Variants in DOCK1 observed in about 807,000 individuals in gnomAD.
DOCK1 encodes the protein dedicator of cytokinesis protein 1.
A neutral mutation model predicts 262.7 loss-of-function variants in DOCK1; 138 were observed. That is an observed-to-expected ratio of 0.53 (90% CI 0.46 to 0.61). DOCK1 has a LOEUF of 0.61. DOCK1 is among the 20% of genes least tolerant of loss of function. The pLI is 0.00. For synonymous variants in DOCK1, 866 were observed against 867.4 expected (o/e 1.00, Z 0.03); for missense variants, 1,908 against 2,370.7 (o/e 0.80, Z 4.05).
At chr10:127,316,137 A>G (rs2062268458) in intron 29 of DOCK1, among the ~76,000 whole-genome samples, 1 of 152,218 alleles carries the variant, frequency 6.6e-6, no homozygotes, top group Non-Finnish European at 1.5e-5. Flanking sequence ...CATCTCACAT[A>G]GTTACCTTTC....
chr10:127,006,378 C>T (rs912214194), intron 10 of DOCK1, among the ~76,000 whole-genome samples: 3 of 152,240 alleles, frequency 2.0e-5, no homozygotes, highest in Non-Finnish European at 2.9e-5. Flanking sequence ...CGTCTGTCTA[C>T]CCGGCCTCTC....
At chr10:127,309,360 T>C (rs1240024360) in intron 29 of DOCK1, among the ~76,000 whole-genome samples, 1 of 152,226 alleles carries the variant, frequency 6.6e-6, no homozygotes, top group Non-Finnish European at 1.5e-5. Flanking sequence ...ATGGGTAGAT[T>C]GCAAAAATTT....
intron 29 of DOCK1, among the ~76,000 whole-genome samples, chr10:127,287,303 A>G (rs2061191916): frequency 6.6e-6 from 1 of 151,826 alleles, no homozygotes; most frequent in Non-Finnish European, 1.5e-5. Flanking sequence ...CTTGGGCTCA[A>G]GCAATCCTCC....
chr10:127,054,457 T>C (rs923551897), intron 22 of DOCK1, among the ~76,000 whole-genome samples: 21 of 152,214 alleles, frequency 1.4e-4, no homozygotes, highest in Admixed American at 3.3e-4. Context: ...ATTTTGCTTA[T>C]TATGGATATG....
intron 31 of DOCK1, among the ~76,000 whole-genome samples, chr10:127,352,413 C>T (rs1332848669): frequency 6.6e-6 from 1 of 152,014 alleles, no homozygotes; most frequent in Non-Finnish European, 1.5e-5. Flanking sequence ...GCAAGTCACT[C>T]CTGAATTACC....
chr10:127,006,674 T>C (rs546939735), intron 10 of DOCK1, among the ~76,000 whole-genome samples: 33 of 152,014 alleles, frequency 2.2e-4, no homozygotes, highest in African/African-American at 7.7e-4. Context: ...GGACTCGGGG[T>C]GTTTTCCACC....
intron 27 of DOCK1, among the ~76,000 whole-genome samples, chr10:127,220,346 G>A (rs2058379625): frequency 6.6e-6 from 1 of 152,052 alleles, no homozygotes; most frequent in Non-Finnish European, 1.5e-5. Context: ...AGAACCAGGA[G>A]GCCCAGGGAC....
intron 33 of DOCK1, among the ~76,000 whole-genome samples, chr10:127,363,743 A>G (rs549523260): frequency 5.3e-5 from 8 of 152,292 alleles, no homozygotes; most frequent in African/African-American, 1.9e-4. Flanking sequence ...TGAAGGCGGT[A>G]TCCACGAAGA....
chr10:127,148,580 T>C (rs1423125098), intron 27 of DOCK1, among the ~76,000 whole-genome samples: 26 of 152,154 alleles, frequency 1.7e-4, no homozygotes, highest in Non-Finnish European at 3.8e-4. Context: ...GCCGATGATG[T>C]TTCATTGTTC....
intron 28 of DOCK1, among the ~76,000 whole-genome samples, chr10:127,248,796 C>T (rs2134797018): frequency 6.6e-6 from 1 of 152,244 alleles, no homozygotes; most frequent in African/African-American, 2.4e-5. Flanking sequence ...GAACAGGGTC[C>T]CCAATCCCTG....
In DOCK1 at chr10:127,226,578, A is replaced by G. The variant is rs561760634; in HGVS notation, c.2848-21430A>G. Among the ~76,000 whole-genome samples the G allele has an allele frequency of 2.0e-5, 3 of 152,118 alleles. No homozygotes were observed. The South Asian group carries it at 6.2e-4, about 32-fold the overall frequency. ...GCCAAAATGGTGAAACCCCATCTCTACTAAAAAATACAACAATTAGCTGGG... is the reference window on the plus strand; with the variant it reads ...GCCAAAATGGTGAAACCCCATCTCTGCTAAAAAATACAACAATTAGCTGGG... On this transcript the variant is annotated intron_variant, in intron 27 of 51. Coordinates refer to ENST00000623213, the MANE Select transcript of DOCK1 (RefSeq NM_001290223.2).
chr10:127,374,009 GTTTCTT>G, intron 34 of DOCK1, 43 bp from the exon 35 acceptor site: 1 of 1,564,278 alleles, frequency 6.4e-7, no homozygotes, highest in South Asian at 1.2e-5. Context: ...CCTCTGTTGA[GTTTCTT>G]TTTCTGAGTG....
intron 27 of DOCK1, among the ~76,000 whole-genome samples, chr10:127,231,654 A>G (rs1252537077): frequency 6.6e-6 from 1 of 152,162 alleles, no homozygotes; most frequent in Non-Finnish European, 1.5e-5. Context: ...TAGAAATGAC[A>G]TCTATAACTT....
chr10:127,175,824 T>C lies in DOCK1; in HGVS notation c.2847+48060T>C. The C allele has an allele frequency of 6.2e-7, 1 of 1,614,098 alleles. No homozygotes were observed. The highest frequency in any genetic ancestry group is 1.1e-5 in the South Asian group (1 of 91,074). On this transcript the variant is annotated intron_variant, in intron 27 of 51. Transcript: ENST00000623213. The surrounding 1 kb of genome is among the most constrained non-coding windows in gnomAD (Gnocchi z 6.3). ...CGGGCTTTTACAGGGCTCTGTGCAG[T>C]TGACCCCCAAAGGCTGGTCCACTGT...
intron 23 of DOCK1, among the ~76,000 whole-genome samples, chr10:127,083,918 G>A (rs1465257559): frequency 6.6e-6 from 1 of 152,150 alleles, no homozygotes. Flanking sequence ...TTGTGCTGCT[G>A]ATACTTGTCA....
intron 27 of DOCK1, 107 bp from the exon 28 acceptor site, chr10:127,247,901 C>G (rs1042011950): frequency 9.5e-7 from 1 of 1,058,164 alleles, no homozygotes; most frequent in Admixed American, 2.1e-5. Context: ...GCCCATGCCC[C>G]GTTGCTTCTC....
chr10:127,118,662 T>A (rs1211172587), intron 25 of DOCK1, among the ~76,000 whole-genome samples: 2 of 152,208 alleles, frequency 1.3e-5, no homozygotes, highest in Admixed American at 6.5e-5. Context: ...CATTTCAAAT[T>A]CCATGATACT....
chr10:126,980,655 C>T (rs1452316666), intron 3 of DOCK1, among the ~76,000 whole-genome samples: 6 of 152,116 alleles, frequency 3.9e-5, no homozygotes, highest in African/African-American at 1.2e-4. Context: ...CCTGCCTGCC[C>T]CCTGCCCACC....
At chr10:127,362,855 GTACATCCCCACACACA>G (rs2064584370) in intron 33 of DOCK1, among the ~76,000 whole-genome samples, 1 of 24,994 alleles carries the variant, frequency 4.0e-5, no homozygotes, top group African/African-American at 1.7e-4. Flanking sequence ...ACACACACAT[GTACATCCCCACACACA>G]CACATACACA....
Sources: gnomAD v4.1 joint callset for allele counts (sites outside exome capture counted in the v4.1 genomes callset) on GRCh38, gnomAD v4.1.1 for gene constraint, Gnocchi (gnomAD v3.1) non-coding constraint, MANE v1.5 for transcripts, NCBI Gene and HGNC (gene_info 2026-07-23, HGNC 2026-07-21) for gene names.